PCED1B: variants seen among roughly 807,000 people sequenced by gnomAD.
PCED1B encodes the protein PC-esterase domain containing 1B.
For missense variants in PCED1B, 573 were observed against 573.9 expected (o/e 1.00, Z 0.02); for synonymous variants, 251 against 246.1 (o/e 1.02, Z -0.19).
intron 1 of PCED1B, among the ~76,000 whole-genome samples, chr12:47,085,656 T>A (rs979719300): frequency 6.6e-6 from 1 of 152,126 alleles, no homozygotes; most frequent in African/African-American, 2.4e-5. Flanking sequence ...AAAAAATATA[T>A]ATGTATGTTA....
chr12:47,173,473 C>T (rs770818873), intron 2 of PCED1B, among the ~76,000 whole-genome samples: 104 of 152,032 alleles, frequency 6.8e-4, no homozygotes, highest in Admixed American at 3.9e-3. Context: ...AGGATGGTCT[C>T]GATCTCTTGA....
In PCED1B at chr12:47,171,885, TTCTTCTTCTTCC is replaced by T. The variant is rs1260383542; in HGVS notation, c.-525-44328_-525-44317del. The stretch of plus-strand genomic sequence containing the variant: ...TCTTCTCCTTCTTCTTCTTTTCTTC[TTCTTCTTCTTCC>T]TCTTCTTCCTCTTCTTCTTCTTCCT... On this transcript the variant is annotated intron_variant, in intron 2 of 3. Coordinates refer to ENST00000546455, the MANE Select transcript of PCED1B (RefSeq NM_138371.3). Among the ~76,000 whole-genome samples, 19 of 148,902 alleles carry T rather than the reference TTCTTCTTCTTCC, an allele frequency of 1.3e-4. No individual in the cohort carries two copies. In the South Asian group the frequency reaches 3.7e-3, roughly 29 times the overall value.
intron 1 of PCED1B, among the ~76,000 whole-genome samples, chr12:47,097,761 G>C (rs1360443618): frequency 6.6e-6 from 1 of 152,170 alleles, no homozygotes; most frequent in Non-Finnish European, 1.5e-5. Flanking sequence ...CGGAGTAGGT[G>C]CTTGCTACAG....
intron 3 of PCED1B, among the ~76,000 whole-genome samples, chr12:47,224,427 G>A (rs1260705804): frequency 6.6e-6 from 1 of 152,116 alleles, no homozygotes; most frequent in Non-Finnish European, 1.5e-5. Context: ...TTTAAACTTG[G>A]TAATTTTCAG....
intron 2 of PCED1B, among the ~76,000 whole-genome samples, chr12:47,114,733 A>G (rs1939344829): frequency 6.6e-6 from 1 of 152,230 alleles, no homozygotes; most frequent in South Asian, 2.1e-4. Flanking sequence ...CCAACACCAG[A>G]GACTGCCAAC....
In PCED1B at chr12:47,144,898, A is replaced by G. The variant is rs533935581; in HGVS notation, c.-526+40703A>G. Among the ~76,000 whole-genome samples the G allele has an allele frequency of 3.3e-5, 5 of 152,312 alleles. No homozygotes were observed. The East Asian group carries it at 7.7e-4, about 23-fold the overall frequency. On this transcript the variant is annotated intron_variant, in intron 2 of 3. Coordinates refer to ENST00000546455, the MANE Select transcript of PCED1B (RefSeq NM_138371.3). Reference sequence around the variant, plus strand: ...AATTAGGTCAATTAATAATTCTACAATGGTCTCTAAGTGAAAGAAAAAGTC... The same window carrying G: ...AATTAGGTCAATTAATAATTCTACAGTGGTCTCTAAGTGAAAGAAAAAGTC...
At chr12:47,150,623 A>T (rs1157659881) in intron 2 of PCED1B, among the ~76,000 whole-genome samples, 1 of 151,898 alleles carries the variant, frequency 6.6e-6, no homozygotes, top group Admixed American at 6.6e-5. Flanking sequence ...CTTGAACAGA[A>T]GCCTGAAGGA....
intron 2 of PCED1B, chr12:47,135,633 C>T (rs985429974): frequency 2.0e-6 from 1 of 503,022 alleles, no homozygotes; most frequent in Non-Finnish European, 4.0e-6. Flanking sequence ...TCTTCCTGTC[C>T]ATAGACTTCC....
chr12:47,215,350 T>G (rs1324876970), intron 2 of PCED1B, among the ~76,000 whole-genome samples: 5 of 151,106 alleles, frequency 3.3e-5, no homozygotes, highest in Non-Finnish European at 7.4e-5. Flanking sequence ...GCCTCCTGGG[T>G]TCAAGCGATT....
chr12:47,084,430 C>A (rs1937885628), intron 1 of PCED1B, among the ~76,000 whole-genome samples: 1 of 152,162 alleles, frequency 6.6e-6, no homozygotes. Flanking sequence ...TTTCATCACC[C>A]CAAAAAGAGG....
intron 2 of PCED1B, among the ~76,000 whole-genome samples, chr12:47,162,122 G>T (rs554040705): frequency 1.4e-4 from 20 of 145,992 alleles, no homozygotes; most frequent in Admixed American, 3.4e-4. Flanking sequence ...GTGGGGTGGT[G>T]GGGGGGGGAA....
chr12:47,204,145 C>A (rs1010685324), intron 2 of PCED1B, among the ~76,000 whole-genome samples: 2 of 152,066 alleles, frequency 1.3e-5, no homozygotes, highest in Admixed American at 1.3e-4. Flanking sequence ...GGGTTTCATT[C>A]GCTATGTTGG....
intron 2 of PCED1B, among the ~76,000 whole-genome samples, chr12:47,169,441 A>G (rs1255708119): frequency 6.6e-6 from 1 of 152,166 alleles, no homozygotes; most frequent in African/African-American, 2.4e-5. Flanking sequence ...AGATTCCTTC[A>G]GCTTAAAATA....
intron 1 of PCED1B, among the ~76,000 whole-genome samples, chr12:47,087,572 T>C (rs1275522325): frequency 1.3e-5 from 2 of 152,182 alleles, no homozygotes; most frequent in Non-Finnish European, 2.9e-5. Context: ...TTAGAAATAA[T>C]TATAGGATAT....
Position 47,235,961 on chromosome 12 carries a change from C to A in PCED1B, c.898C>A (p.Arg300Ser), listed in dbSNP as rs750761520. ...CCCACCCTTACCTTCCCCCACATAC[C>A]GCCCCCTGCTTGGGTTCCCACCCCA... ...LSPPLPSPTY[R>S]PLLGFPPQRL... is the part of the protein sequence containing the mutation. The change falls in exon 4 of 4, where the codon CGC becomes AGC. Residue 300 changes from arginine (R) to serine (S), a missense_variant. Coordinates refer to ENST00000546455, the MANE Select transcript of PCED1B (RefSeq NM_138371.3). The A allele has an allele frequency of 6.2e-7, 1 of 1,612,362 alleles. No homozygotes were observed. The highest frequency in any genetic ancestry group is 8.5e-7 in the Non-Finnish European group (1 of 1,179,254).
At chr12:47,135,148 G>T (rs978476528) in intron 2 of PCED1B, among the ~76,000 whole-genome samples, 4 of 152,158 alleles carry the variant, frequency 2.6e-5, no homozygotes, top group African/African-American at 9.6e-5. Context: ...AATGAGTTTG[G>T]TGTCCATGTC....
At chr12:47,154,779 ATGTGTGTG>A (rs3989869) in intron 2 of PCED1B, among the ~76,000 whole-genome samples, 3,770 of 146,678 alleles carry the variant, frequency 0.026, 144 homozygotes, top group African/African-American at 0.088. Flanking sequence ...GTGTGTGTGC[ATGTGTGTG>A]TGTGTGTGTG....
At position 47,197,612 on chromosome 12, in the gene PCED1B, A is replaced by AAAAT. The variant is rs758658878; in HGVS notation, c.-525-18595_-525-18592dup. On this transcript the variant is annotated intron_variant, in intron 2 of 3. Transcript: ENST00000546455. ...AACAAGAGTGAAACTCTGTCTCAAA[A>AAAAT]AAATAAATAAATAAATAATAAAATA... is the stretch of plus-strand genomic sequence containing the variant. 3.6e-3 allele frequency among the ~76,000 whole-genome samples: 547 copies of AAAAT among 151,796 alleles called. 1 individual carries two copies. The highest frequency in any genetic ancestry group is 6.2e-3 in the Non-Finnish European group (418 of 67,904).
chr12:47,231,144 T>G (rs1252885086), intron 3 of PCED1B, among the ~76,000 whole-genome samples: 1 of 152,186 alleles, frequency 6.6e-6, no homozygotes, highest in Non-Finnish European at 1.5e-5. Context: ...TCTTAGTTCT[T>G]AAGTGGGATC....
Sources: gnomAD v4.1 joint callset for allele counts (sites outside exome capture counted in the v4.1 genomes callset) on GRCh38, gnomAD v4.1.1 for gene constraint, MANE v1.5 for transcripts, NCBI Gene and HGNC (gene_info 2026-07-23, HGNC 2026-07-21) for gene names.